Variants in ANOS1 observed in about 807,000 individuals in gnomAD.
The protein encoded by ANOS1 is anosmin 1, also known as anosmin-1.
A neutral mutation model predicts 59.0 loss-of-function variants in ANOS1; 6 were observed. The ratio of observed to expected loss-of-function variants is 0.10; its 90% CI spans 0.06 to 0.20. ANOS1 has a LOEUF of 0.20. ANOS1 is among the 10% of genes least tolerant of loss of function. The pLI is 1.00. For synonymous variants in ANOS1, 217 were observed against 223.4 expected (o/e 0.97, Z 0.25); for missense variants, 433 against 542.3 (o/e 0.80, Z 2.00).
At chrX:8,540,806 CAG>C (rs1477000028) in intron 9 of ANOS1, among the ~76,000 whole-genome samples, 1 of 110,124 alleles carries the variant, frequency 9.1e-6, no homozygotes, top group Non-Finnish European at 1.9e-5. Context: ...AGAAAGCAAA[CAG>C]ATATAAAAGT....
intron 1 of ANOS1, among the ~76,000 whole-genome samples, chrX:8,706,624 G>T (rs1417410939): frequency 8.9e-6 from 1 of 111,810 alleles, no homozygotes; most frequent in Non-Finnish European, 1.9e-5. Flanking sequence ...GTTGGTAATG[G>T]GAGAGGCTGT....
chrX:8,582,459 G>A (rs756955317), intron 6 of ANOS1, among the ~76,000 whole-genome samples: 24 of 111,465 alleles, frequency 2.2e-4, no homozygotes, highest in African/African-American at 7.5e-4. Context: ...GGAAAACAGG[G>A]AGGGTAGTGA....
chrX:8,620,762 T>C (rs1477860593), intron 3 of ANOS1, among the ~76,000 whole-genome samples: 1 of 111,991 alleles, frequency 8.9e-6, no homozygotes, highest in Non-Finnish European at 1.9e-5. Context: ...TCATCAAAGC[T>C]CCTCACATTA....
chrX:8,585,474 T>G, intron 5 of ANOS1, 78 bp from the exon 6 acceptor site: 1 of 1,088,185 alleles, frequency 9.2e-7, no homozygotes, highest in Non-Finnish European at 1.3e-6. Flanking sequence ...TTTAGAAAAA[T>G]ACACTAACCC....
At chrX:8,551,604 CAA>C (rs1266844600) in intron 9 of ANOS1, among the ~76,000 whole-genome samples, 4 of 91,575 alleles carry the variant, frequency 4.4e-5, no homozygotes, top group African/African-American at 7.8e-5. Flanking sequence ...GAAACTCCAT[CAA>C]AAAAAAAAAA....
intron 4 of ANOS1, among the ~76,000 whole-genome samples, chrX:8,594,701 C>CATATATATATATACACAT (rs766705328): frequency 2.1e-5 from 1 of 46,716 alleles, no homozygotes; most frequent in Non-Finnish European, 3.7e-5. Context: ...TATATATACA[C>CATATATATATATACACAT]ATATATATAC....
chrX:8,582,678 C>T (rs1271116437), intron 6 of ANOS1, among the ~76,000 whole-genome samples: 1 of 111,015 alleles, frequency 9.0e-6, no homozygotes, highest in African/African-American at 3.3e-5. Context: ...AGTGGAAATC[C>T]GGAAGCAGGG....
At chrX:8,703,274 G>A (rs1024244885) in intron 1 of ANOS1, among the ~76,000 whole-genome samples, 2 of 112,350 alleles carry the variant, frequency 1.8e-5, no homozygotes, top group African/African-American at 6.5e-5. Context: ...CCATGCAAGA[G>A]TGACTGGGGT....
In ANOS1 at chrX:8,570,039, C is replaced by T. The variant is rs147669158; in HGVS notation, c.1062+460G>A. Among the ~76,000 whole-genome samples the T allele has an allele frequency of 4.7e-3, 520 of 109,857 alleles. 4 individuals are homozygous for T. The highest frequency in any genetic ancestry group is 0.024 in the South Asian group (59 of 2,508). ...AGAACATATTGTGAGACGTGGCCTT[C>T]CTAAGCTGTTACTGCTCAGTGATTA... On this transcript the variant is annotated intron_variant, in intron 7 of 13. Transcript: ENST00000262648.
rs769843705 is a variant in ANOS1 at position 8,576,491 on chromosome X, T to TACACACACACAC, written c.857-5799_857-5788dup. On this transcript the variant is annotated intron_variant, in intron 6 of 13. Transcript: ENST00000262648. Reference sequence around the variant, plus strand: ...ATACACACACACACACACACACACATACACACACACACACACACACACACA... The same window carrying TACACACACACAC: ...ATACACACACACACACACACACACATACACACACACACACACACACACACACACACACACACA... 7.0e-3 allele frequency among the ~76,000 whole-genome samples: 652 copies of TACACACACACAC among 93,454 alleles called. 3 individuals carry two copies. The highest frequency in any genetic ancestry group is 0.012 in the Non-Finnish European group (533 of 46,107). 81.2% of individuals were successfully genotyped at this position (93,454 alleles called of 115,157 possible).
chrX:8,620,573 G>A (rs1931273458), intron 3 of ANOS1, among the ~76,000 whole-genome samples: 1 of 111,639 alleles, frequency 9.0e-6, no homozygotes, highest in Admixed American at 9.6e-5. Flanking sequence ...AAGTGACTAG[G>A]CTTAAAAATG....
chrX:8,575,615 GAAACA>G (rs1930307080), intron 6 of ANOS1, among the ~76,000 whole-genome samples: 1 of 111,011 alleles, frequency 9.0e-6, no homozygotes, highest in Admixed American at 9.7e-5. Context: ...GAAACATTAT[GAAACA>G]TGAAACAACA....
chrX:8,693,179 C>A (rs1932631939), intron 2 of ANOS1, among the ~76,000 whole-genome samples: 1 of 112,491 alleles, frequency 8.9e-6, no homozygotes, highest in Admixed American at 9.4e-5. Context: ...AGCATTTCCT[C>A]TGAGCTGGAG....
chrX:8,660,071 G>A (rs1932010703), intron 2 of ANOS1, among the ~76,000 whole-genome samples: 1 of 111,955 alleles, frequency 8.9e-6, no homozygotes, highest in African/African-American at 3.3e-5. Flanking sequence ...ATGAACAAGA[G>A]CAGACATCAG....
Position 8,534,314 on chromosome X carries a change from C to T in ANOS1, c.1984+5G>A. ...GATGGCTTAATGCCCTGGCACCCCA[C>T]TCACTGTGTGCTGAAGAGGGTGGGA... is the stretch of plus-strand genomic sequence containing the variant. On this transcript the variant is annotated splice_donor_5th_base_variant and intron_variant, in intron 13 of 13. Coordinates refer to ENST00000262648, the MANE Select transcript of ANOS1 (RefSeq NM_000216.4). 8.3e-7 allele frequency: 1 copy of T among 1,211,331 alleles called. No individual in the cohort carries two copies. The highest frequency in any genetic ancestry group is 1.8e-5 in the South Asian group (1 of 56,967).
At chrX:8,702,159 T>C (rs1932760083) in intron 1 of ANOS1, among the ~76,000 whole-genome samples, 1 of 108,626 alleles carries the variant, frequency 9.2e-6, no homozygotes, top group East Asian at 2.9e-4. Context: ...ATAGAGACAG[T>C]AAGGTCTGAA....
At chrX:8,572,212 G>T (rs1463379128) in intron 6 of ANOS1, among the ~76,000 whole-genome samples, 2 of 109,744 alleles carry the variant, frequency 1.8e-5, no homozygotes, top group Non-Finnish European at 3.8e-5. Context: ...ATGGTGGTTT[G>T]CTGCACAAAT....
intron 2 of ANOS1, among the ~76,000 whole-genome samples, chrX:8,658,040 C>T (rs1331753121): frequency 1.8e-5 from 2 of 111,672 alleles, no homozygotes; most frequent in African/African-American, 6.5e-5. Flanking sequence ...CATTAACTCC[C>T]AGTACCTCTA....
At chrX:8,705,276 T>C (rs1054354100) in intron 1 of ANOS1, among the ~76,000 whole-genome samples, 5 of 112,094 alleles carry the variant, frequency 4.5e-5, no homozygotes, top group Non-Finnish European at 9.4e-5. Context: ...CATTCATCTT[T>C]TGCATTTATT....
Sources: gnomAD v4.1 joint callset for allele counts (sites outside exome capture counted in the v4.1 genomes callset) on GRCh38, gnomAD v4.1.1 for gene constraint, MANE v1.5 for transcripts, NCBI Gene and HGNC (gene_info 2026-07-23, HGNC 2026-07-21) for gene names.